The following DAPK3 variants were observed in gnomAD, a reference collection of about 807,000 sequenced individuals.
The protein encoded by DAPK3 is death associated protein kinase 3.
DAPK3 carries 24 observed loss-of-function variants against 30.6 expected under a neutral mutation model. That is an observed-to-expected ratio of 0.78 (90% CI 0.57 to 1.10). The LOEUF is 1.10. Among genes scored for constraint, DAPK3 ranks in the 50% least tolerant of loss-of-function variants. The pLI is 0.00. For synonymous variants in DAPK3, 341 were observed against 284.0 expected, an observed-to-expected ratio of 1.20 and a Z score of -2.02; for missense variants, 629 against 657.3, an observed-to-expected ratio of 0.96 and a Z score of 0.47.
chr19:3,961,638 T>C (rs997456211), intron 6 of DAPK3: 2 of 411,860 alleles, frequency 4.9e-6, no homozygotes, highest in African/African-American at 4.2e-5. Flanking sequence ...CCCCGTCTGA[T>C]CGTCTGATCG....
At position 3,959,153 on chromosome 19, in the gene DAPK3, A is replaced by C; in HGVS notation, c.1313T>G (p.Val438Gly). ...ASEMRFVQDL[V>G]RALEQEKLQG... Reference sequence around the variant, plus strand: ...CAGCTTCTCCTGCTCCAGGGCGCGCACGAGGTCCTGCACGAAGCGCATCTC... The same window carrying C: ...CAGCTTCTCCTGCTCCAGGGCGCGCCCGAGGTCCTGCACGAAGCGCATCTC... The change falls in exon 9 of 9, where the codon GTG (valine) becomes GGG (glycine). Residue 438 changes from valine to glycine, a missense_variant. Transcript: ENST00000545797. The C allele has an allele frequency of 6.3e-7, 1 of 1,588,302 alleles. No homozygotes were observed. The highest frequency in any genetic ancestry group is 8.5e-7 in the Non-Finnish European group (1 of 1,172,088).
rs1017808898 is a variant in DAPK3 at position 3,959,766 on chromosome 19, G to C, written c.829-129C>G. On this transcript the variant is annotated intron_variant, in intron 8 of 8. Coordinates refer to ENST00000545797, the MANE Select transcript of DAPK3 (RefSeq NM_001348.3). ...GAGTCAACGCCTCGTGACGGAGACTGCCCAGCCCGACGCAAAGCCGAGAGT... is the reference window on the plus strand; with the variant it reads ...GAGTCAACGCCTCGTGACGGAGACTCCCCAGCCCGACGCAAAGCCGAGAGT... The C allele has an allele frequency of 4.5e-6, 5 of 1,106,722 alleles. No individual in the cohort carries two copies. In the African/African-American group the frequency reaches 7.9e-5, roughly 17 times the overall value. 68.6% of individuals were successfully genotyped at this position (1,106,722 alleles called of 1,614,324 possible).
At chr19:3,965,558 C>G (rs1377035002) in intron 2 of DAPK3, among the ~76,000 whole-genome samples, 1 of 152,126 alleles carries the variant, frequency 6.6e-6, no homozygotes, top group Non-Finnish European at 1.5e-5. Context: ...GCAGAGGTTG[C>G]AGTGAACTGA....
intron 6 of DAPK3, among the ~76,000 whole-genome samples, chr19:3,963,328 A>T (rs2039538513): frequency 6.6e-6 from 1 of 152,132 alleles, no homozygotes; most frequent in African/African-American, 2.4e-5. Flanking sequence ...GCCAAAACCC[A>T]GCGTGGGGTC....
In DAPK3 at chr19:3,959,244, C is replaced by T; in HGVS notation, c.1222G>A (p.Gly408Ser). Reference sequence around the variant, plus strand: ...AGGCGGCTGAAGCGGCGCTTGAGGCCGCTGGTCCCCAGCAGCGCGCCCTTG... The same window carrying T: ...AGGCGGCTGAAGCGGCGCTTGAGGCTGCTGGTCCCCAGCAGCGCGCCCTTG... Reference protein sequence around the residue: ...EAKGALLGTSGLKRRFSRLEN... With the variant: ...EAKGALLGTSSLKRRFSRLEN... Residue 408 changes from glycine to serine, a missense_variant, in exon 9 of 9, where the codon GGC becomes AGC. Transcript: ENST00000545797. The T allele has an allele frequency of 1.9e-6, 3 of 1,600,114 alleles. No individual in the cohort carries two copies. The highest frequency in any genetic ancestry group is 2.5e-6 in the Non-Finnish European group (3 of 1,178,354).
Position 3,960,093 on chromosome 19 carries a change from G to C in DAPK3, c.794C>G (p.Thr265Ser), listed in dbSNP as rs775955714. 5 of 1,562,228 alleles carry C rather than the reference G, an allele frequency of 3.2e-6. No individual in the cohort carries two copies. Among genetic ancestry groups the C allele is most frequent in the Non-Finnish European group, 8.8e-7 (1 of 1,133,090 alleles). ...LLVKDPKRRMTIAQSLEHSWI... is the reference protein window; with the variant it reads ...LLVKDPKRRMSIAQSLEHSWI... Reference sequence around the variant, plus strand: ...GGAATGTTCCAGGCTCTGGGCAATGGTCATTCTCCGCCTGGAAGACCCCCG... The same window carrying C: ...GGAATGTTCCAGGCTCTGGGCAATGCTCATTCTCCGCCTGGAAGACCCCCG... Residue 265 changes from threonine (T) to serine (S), a missense_variant, in exon 8 of 9, where the codon ACC becomes AGC. Coordinates refer to ENST00000545797, the MANE Select transcript of DAPK3 (RefSeq NM_001348.3).
chr19:3,960,270 G>C (rs1003770942), intron 7 of DAPK3, among the ~76,000 whole-genome samples, 166 bp from the exon 8 acceptor site: 6 of 152,084 alleles, frequency 3.9e-5, no homozygotes, highest in Non-Finnish European at 7.4e-5. Flanking sequence ...GGGTTTTCTG[G>C]GGGGTGGTGG....
intron 2 of DAPK3, among the ~76,000 whole-genome samples, chr19:3,965,735 G>A (rs914858648): frequency 3.3e-5 from 5 of 152,250 alleles, no homozygotes; most frequent in Non-Finnish European, 5.9e-5. Flanking sequence ...TTCAGTCATG[G>A]CTCACTGCAG....
chr19:3,969,150 T>TA (rs2039609571), intron 2 of DAPK3, among the ~76,000 whole-genome samples: 1 of 151,892 alleles, frequency 6.6e-6, no homozygotes, highest in Admixed American at 6.6e-5. Flanking sequence ...TTTTTTTTTT[T>TA]AAATAAATGG....
Position 3,958,967 on chromosome 19 carries a change from C to T in DAPK3, c.*134G>A, listed in dbSNP as rs2039470035. On this transcript the variant is annotated 3_prime_UTR_variant, in exon 9 of 9. Transcript: ENST00000545797. ...ACTTACGGGCCTGGCTCCAGCTCCTCCCACTCCGCCTCCAGCCTGGTGGCG... is the reference window on the plus strand; with the variant it reads ...ACTTACGGGCCTGGCTCCAGCTCCTTCCACTCCGCCTCCAGCCTGGTGGCG... 1 of 625,358 alleles carries T rather than the reference C, an allele frequency of 1.6e-6. No individual in the cohort carries two copies. Among genetic ancestry groups the T allele is most frequent in the African/African-American group, 1.9e-5 (1 of 52,534 alleles). The allele number at this position is 625,358 out of a possible 1,614,324, so 38.7% of individuals were successfully genotyped here.
At chr19:3,963,212 G>A (rs1456656512) in intron 6 of DAPK3, among the ~76,000 whole-genome samples, 1 of 152,108 alleles carries the variant, frequency 6.6e-6, no homozygotes, top group African/African-American at 2.4e-5. Context: ...GGTGGAGGCT[G>A]CAGTGAGCTA....
At chr19:3,964,072 A>G (rs1599179754) in intron 4 of DAPK3, among the ~76,000 whole-genome samples, 153 bp from the exon 5 acceptor site, 1 of 152,314 alleles carries the variant, frequency 6.6e-6, no homozygotes, top group African/African-American at 2.4e-5. Context: ...CGGGTAGGAC[A>G]GCGGGGCTGC....
rs751670603 is a variant in DAPK3, at chr19:3,964,829, G to A, written c.225C>T (p.Asn75=). Residue 75 remains asparagine (N), a synonymous_variant, in exon 3 of 9, where the codon AAC becomes AAT. Transcript: ENST00000545797. ...VNILREIRHP[N]IITLHDIFEN... ...CGAAGATGTCGTGCAGGGTGATGAT[G>A]TTGGGGTGCCGGATCTCCCGCAGGA... is the stretch of plus-strand genomic sequence containing the variant. The A allele has an allele frequency of 6.2e-7, 1 of 1,613,080 alleles. No individual in the cohort carries two copies. Among genetic ancestry groups the A allele is most frequent in the Non-Finnish European group, 8.5e-7 (1 of 1,179,220 alleles).
intron 7 of DAPK3, among the ~76,000 whole-genome samples, chr19:3,960,675 A>G (rs537379831): frequency 6.6e-6 from 1 of 151,830 alleles, no homozygotes; most frequent in Non-Finnish European, 1.5e-5. Flanking sequence ...GCTACTTGGG[A>G]GGCTAACGCA....
At chr19:3,968,233 G>A (rs1369860711) in intron 2 of DAPK3, among the ~76,000 whole-genome samples, 5 of 152,166 alleles carry the variant, frequency 3.3e-5, no homozygotes, top group Admixed American at 6.5e-5. Flanking sequence ...GGTGGCTCAC[G>A]CCTGTGATCC....
In DAPK3 at chr19:3,959,378, T is replaced by G. The variant is rs546274811; in HGVS notation, c.1088A>C (p.Lys363Thr). ...GCTCTCCTCGCGGTACCAGGCCTCC[T>G]TCTCCTCGTAGATGGCGGCCAGCGC... ...VEALAAIYEEKEAWYREESDS... is the reference protein window; with the variant it reads ...VEALAAIYEETEAWYREESDS... The change falls in exon 9 of 9, where the codon AAG becomes ACG. Residue 363 changes from lysine (K) to threonine (T), a missense_variant. Lys to Thr is a moderately conservative substitution (Grantham distance 78). Coordinates refer to ENST00000545797, the MANE Select transcript of DAPK3 (RefSeq NM_001348.3). 6.3e-7 allele frequency: 1 copy of G among 1,578,298 alleles called. No individual in the cohort carries two copies. The highest frequency in any genetic ancestry group is 1.1e-5 in the South Asian group (1 of 88,018).
chr19:3,963,981 G>A (rs2039546689), intron 4 of DAPK3, 62 bp from the exon 5 acceptor site: 1 of 1,112,888 alleles, frequency 9.0e-7, no homozygotes, highest in South Asian at 1.3e-5. Flanking sequence ...AGAGGCTCAA[G>A]ACACAGGCAT....
chr19:3,962,697 A>C (rs2039530809), intron 6 of DAPK3, among the ~76,000 whole-genome samples: 1 of 147,560 alleles, frequency 6.8e-6, no homozygotes, highest in Admixed American at 7.1e-5. Flanking sequence ...GAATCACTTG[A>C]ACCCGGGAGG....
chr19:3,964,568 T>TGGCCCCC, intron 3 of DAPK3, 63 bp downstream of exon 3: 1 of 1,321,030 alleles, frequency 7.6e-7, no homozygotes, highest in Admixed American at 1.9e-5. Flanking sequence ...TCCAGGCTCT[T>TGGCCCCC]CCCCGCCCCA....
Sources: allele counts gnomAD v4.1 joint callset (sites outside exome capture counted in the v4.1 genomes callset), GRCh38; gene constraint gnomAD v4.1.1; transcripts MANE v1.5; gene names NCBI Gene and HGNC (gene_info 2026-07-23, HGNC 2026-07-21).